GALNTL6: variants seen among roughly 807,000 people sequenced by gnomAD.
GALNTL6 encodes polypeptide N-acetylgalactosaminyltransferase like 6.
In GALNTL6, 46 loss-of-function variants were observed where a neutral mutation model predicts 73.7. The ratio of observed to expected loss-of-function variants is 0.62; its 90% CI spans 0.49 to 0.80. The LOEUF is 0.80. GALNTL6 is among the 30% of genes least tolerant of loss of function. GALNTL6 has a pLI of 0.00. For synonymous variants in GALNTL6, 259 were observed against 263.7 expected (o/e 0.98, Z 0.17); for missense variants, 604 against 755.0 (o/e 0.80, Z 2.34).
At chr4:172,523,503 T>C (rs955013908) in intron 5 of GALNTL6, among the ~76,000 whole-genome samples, 3 of 152,104 alleles carry the variant, frequency 2.0e-5, no homozygotes, top group African/African-American at 7.2e-5. Flanking sequence ...TAGCTGGAAC[T>C]ACAGGTGCAC....
At chr4:172,088,498 G>C (rs1238298070) in intron 2 of GALNTL6, among the ~76,000 whole-genome samples, 1 of 152,172 alleles carries the variant, frequency 6.6e-6, no homozygotes, top group Non-Finnish European at 1.5e-5. Flanking sequence ...TAGGAGAAAT[G>C]GGGCCGTCTG....
chr4:172,947,787 A>G (rs1050723286), intron 9 of GALNTL6, among the ~76,000 whole-genome samples: 9 of 152,158 alleles, frequency 5.9e-5, no homozygotes, highest in African/African-American at 1.9e-4. Flanking sequence ...CTATTCCACT[A>G]TCTCTGTGTA....
intron 8 of GALNTL6, among the ~76,000 whole-genome samples, chr4:172,909,669 A>C (rs936318752): frequency 3.3e-5 from 5 of 152,146 alleles, no homozygotes; most frequent in African/African-American, 1.2e-4. Flanking sequence ...TTTCAAATAC[A>C]GTCAGTCACT....
chr4:172,649,508 T>G (rs1249565745), intron 5 of GALNTL6, among the ~76,000 whole-genome samples: 7 of 152,226 alleles, frequency 4.6e-5, no homozygotes, highest in South Asian at 2.1e-4. Context: ...TATCCCATGA[T>G]GATGTGCTCT....
chr4:172,665,652 T>G (rs1731618972), intron 5 of GALNTL6, among the ~76,000 whole-genome samples: 1 of 152,230 alleles, frequency 6.6e-6, no homozygotes, highest in African/African-American at 2.4e-5. Context: ...ATAATAATCA[T>G]TATATGCATT....
At chr4:172,496,214 T>C (rs1483105023) in intron 5 of GALNTL6, among the ~76,000 whole-genome samples, 1 of 152,202 alleles carries the variant, frequency 6.6e-6, no homozygotes, top group Non-Finnish European at 1.5e-5. Context: ...AAACAACTGT[T>C]ATTCTACTCA....
chr4:172,555,877 G>A (rs1736123321), intron 5 of GALNTL6, among the ~76,000 whole-genome samples: 3 of 152,070 alleles, frequency 2.0e-5, no homozygotes, highest in African/African-American at 7.2e-5. Context: ...ATGATCTTGA[G>A]TTGCACATAT....
intron 5 of GALNTL6, among the ~76,000 whole-genome samples, chr4:172,568,741 G>C (rs912484326): frequency 1.0e-4 from 12 of 117,632 alleles, no homozygotes; most frequent in Non-Finnish European, 2.0e-4. Flanking sequence ...CTGGGCCACA[G>C]AGCGAGACTC....
rs554622818 is a variant in GALNTL6 at position 172,028,405 on chromosome 4, G to A, written c.139-201251G>A. ...CTTTGAGAAAAGAATTGATAAAATT[G>A]ATTGTCTGGAATCTGAATTAAATGC... On this transcript the variant is annotated intron_variant, in intron 2 of 12. Transcript: ENST00000506823. Among the ~76,000 whole-genome samples the A allele has an allele frequency of 2.5e-3, 384 of 152,092 alleles. 1 individual carries two copies. The highest frequency in any genetic ancestry group is 8.9e-3 in the African/African-American group (369 of 41,558).
chr4:172,878,319 A>G (rs1745290812), intron 7 of GALNTL6, among the ~76,000 whole-genome samples: 1 of 151,968 alleles, frequency 6.6e-6, no homozygotes, highest in African/African-American at 2.4e-5. Context: ...AACAGAATAG[A>G]GAAATGGTGT....
chr4:172,788,849 G>C (rs1050921963), intron 5 of GALNTL6, among the ~76,000 whole-genome samples: 4 of 152,012 alleles, frequency 2.6e-5, no homozygotes, highest in Non-Finnish European at 5.9e-5. Context: ...ACCTCCTCTA[G>C]GACTAGATAA....
At chr4:172,485,063 T>A (rs1161949269) in intron 5 of GALNTL6, among the ~76,000 whole-genome samples, 1 of 152,194 alleles carries the variant, frequency 6.6e-6, no homozygotes, top group African/African-American at 2.4e-5. Flanking sequence ...ATAAGTAGAT[T>A]GTAACAAATG....
At chr4:172,418,691 G>A (rs1260902689) in intron 5 of GALNTL6, among the ~76,000 whole-genome samples, 1 of 152,152 alleles carries the variant, frequency 6.6e-6, no homozygotes, top group East Asian at 1.9e-4. Context: ...ATAGCCAACT[G>A]ATAGAACATC....
intron 12 of GALNTL6, among the ~76,000 whole-genome samples, chr4:173,038,307 T>C (rs1411338579): frequency 1.3e-5 from 2 of 152,166 alleles, no homozygotes; most frequent in Non-Finnish European, 1.5e-5. Context: ...GACTGCTGCC[T>C]GAGGAGCCAC....
chr4:172,282,306 G>A (rs995801350), intron 3 of GALNTL6, among the ~76,000 whole-genome samples: 1 of 152,140 alleles, frequency 6.6e-6, no homozygotes, highest in Non-Finnish European at 1.5e-5. Flanking sequence ...TCAGGGCAAA[G>A]CAAAGTAAAA....
intron 4 of GALNTL6, among the ~76,000 whole-genome samples, chr4:172,333,697 C>G (rs1645618322): frequency 6.6e-6 from 1 of 151,746 alleles, no homozygotes; most frequent in African/African-American, 2.4e-5. Flanking sequence ...TAATATAGTC[C>G]CTCTTGTCTA....
intron 2 of GALNTL6, among the ~76,000 whole-genome samples, chr4:172,197,989 T>C (rs1037453945): frequency 6.6e-6 from 1 of 152,056 alleles, no homozygotes; most frequent in Admixed American, 6.5e-5. Context: ...TGGGCGCCTG[T>C]AGTCCCAGCT....
intron 4 of GALNTL6, among the ~76,000 whole-genome samples, chr4:172,339,257 C>CCACACACACACACA (rs70941402): frequency 0.012 from 1,430 of 120,956 alleles, 34 homozygotes; most frequent in East Asian, 0.027. Flanking sequence ...CACACACACA[C>CCACACACACACACA]CACACACACA....
chr4:172,560,164 A>G (rs1736302252), intron 5 of GALNTL6, among the ~76,000 whole-genome samples: 1 of 152,136 alleles, frequency 6.6e-6, no homozygotes, highest in African/African-American at 2.4e-5. Context: ...CATACCCTGA[A>G]ACTCTTAGTT....
Sources: gnomAD v4.1 joint callset for allele counts (sites outside exome capture counted in the v4.1 genomes callset) on GRCh38, gnomAD v4.1.1 for gene constraint, MANE v1.5 for transcripts, NCBI Gene and HGNC (gene_info 2026-07-23, HGNC 2026-07-21) for gene names.